The following RAG1 variants were observed in gnomAD, a reference collection of about 807,000 sequenced individuals.
RAG1 encodes the protein V(D)J recombination-activating protein 1.
In RAG1, 35 loss-of-function variants were observed where a neutral mutation model predicts 62.7. That is an observed-to-expected ratio of 0.56 (90% CI 0.43 to 0.74). RAG1 has a LOEUF of 0.74. Ranked by LOEUF, RAG1 falls within the 30% of genes least tolerant of loss-of-function variation. The pLI, the probability that RAG1 is intolerant of heterozygous loss-of-function variation, is 0.00. For missense variants in RAG1, 1,169 were observed against 1,278.6 expected, an observed-to-expected ratio of 0.91 and a Z score of 1.31; for synonymous variants, 461 against 470.3, an observed-to-expected ratio of 0.98 and a Z score of 0.26.
At chr11:36,529,881 G>C (rs1369080464) in intron 2 of RAG1, among the ~76,000 whole-genome samples, 1 of 151,786 alleles carries the variant, frequency 6.6e-6, no homozygotes, top group East Asian at 1.9e-4. Context: ...TTCCGGAAAA[G>C]ATTGTGTACA....
At chr11:36,516,950 G>C (rs1860004653) in intron 1 of RAG1, among the ~76,000 whole-genome samples, 1 of 152,162 alleles carries the variant, frequency 6.6e-6, no homozygotes, top group South Asian at 2.1e-4. Flanking sequence ...GAAACAATTG[G>C]AGGTTTATCG....
chr11:36,538,913 AG>A (rs1203701392), downstream of RAG1, among the ~76,000 whole-genome samples: 1 of 152,200 alleles, frequency 6.6e-6, no homozygotes, highest in Non-Finnish European at 1.5e-5. Flanking sequence ...GCTCAGGAAG[AG>A]GCCTCAATTC....
At chr11:36,527,634 G>C (rs1485156384) in intron 2 of RAG1, among the ~76,000 whole-genome samples, 1 of 152,148 alleles carries the variant, frequency 6.6e-6, no homozygotes, top group Non-Finnish European at 1.5e-5. Flanking sequence ...GTCAGTGGTA[G>C]GTTGTTGGGG....
upstream of RAG1, chr11:36,567,240 T>C (rs1850673111): frequency 1.3e-5 from 2 of 152,210 alleles, no homozygotes; most frequent in South Asian, 4.1e-4. Context: ...GTTGCTTCTT[T>C]TTAGACATAA....
chr11:36,562,146 T>G (rs1053954140), intron 3 of RAG1, among the ~76,000 whole-genome samples: 2 of 152,184 alleles, frequency 1.3e-5, no homozygotes, highest in African/African-American at 4.8e-5. Flanking sequence ...GTGATTTGAC[T>G]TATAGTTTTA....
At chr11:36,533,601 AT>A (rs1860286063) in intron 2 of RAG1, among the ~76,000 whole-genome samples, 1 of 152,156 alleles carries the variant, frequency 6.6e-6, no homozygotes. Context: ...TTCATGGATT[AT>A]TTTTTAGTTC....
intron 3 of RAG1, among the ~76,000 whole-genome samples, chr11:36,557,456 G>A (rs922824555): frequency 6.9e-6 from 1 of 145,966 alleles, no homozygotes; most frequent in Admixed American, 6.7e-5. Context: ...GCAATGCCTC[G>A]CCCTGCTTCG....
Position 36,575,826 on chromosome 11 carries a change from G to T in RAG1, c.2522G>T (p.Arg841Leu). ...RWQATLDKHL[R>L]KKMNLKPIMR... is the part of the protein sequence containing the mutation. ...CAGGCCACACTGGACAAGCATCTCC[G>T]GAAGAAGATGAACCTCAAACCAATC... The change falls in exon 2 of 2, where the codon CGG becomes CTG. Residue 841 changes from arginine to leucine, a missense_variant. Arg to Leu is a moderately radical substitution (Grantham distance 102). Transcript: ENST00000299440. The surrounding 1 kb of genome is among the most constrained non-coding windows in gnomAD (Gnocchi z 4.1). 6.2e-7 allele frequency: 1 copy of T among 1,614,214 alleles called. No homozygotes were observed. Among genetic ancestry groups the T allele is most frequent in the East Asian group, 2.2e-5 (1 of 44,880 alleles).
intron 3 of RAG1, among the ~76,000 whole-genome samples, chr11:36,551,504 C>A (rs1045835367): frequency 1.3e-5 from 2 of 151,836 alleles, no homozygotes; most frequent in Non-Finnish European, 2.9e-5. Flanking sequence ...ACATTGTCTT[C>A]CCTCTGTGTG....
At chr11:36,565,081 T>C (rs1330589755), upstream of RAG1, among the ~76,000 whole-genome samples, 1 of 152,236 alleles carries the variant, frequency 6.6e-6, no homozygotes, top group East Asian at 1.9e-4. Flanking sequence ...AGTTCCCTTC[T>C]AGTTCTGGCT....
chr11:36,570,609 AGTG>A (rs1850725908), intron 1 of RAG1, among the ~76,000 whole-genome samples: 1 of 152,166 alleles, frequency 6.6e-6, no homozygotes, highest in Non-Finnish European at 1.5e-5. Context: ...TATTCTTCAT[AGTG>A]GCTGTACTAA....
Position 36,573,922 on chromosome 11 carries a change from C to A in RAG1, c.618C>A (p.Pro206=), listed in dbSNP as rs200182366. 2 of 1,614,102 alleles carry A rather than the reference C, an allele frequency of 1.2e-6. No individual in the cohort carries two copies. The highest frequency in any genetic ancestry group is 2.7e-5 in the African/African-American group (2 of 75,012). ...GGAACGTGACCATGGAGTGGCACCC[C>A]CACACACCATCCTGTGACATCTGCA... is the stretch of plus-strand genomic sequence containing the variant. The part of the protein sequence containing the change: ...FPRNVTMEWH[P]HTPSCDICNT... Residue 206 remains proline, a synonymous_variant, in exon 2 of 2, where the codon CCC becomes CCA. Coordinates refer to ENST00000299440, the MANE Select transcript of RAG1 (RefSeq NM_000448.3).
At chr11:36,535,634 C>T (rs1169119100) in intron 2 of RAG1, among the ~76,000 whole-genome samples, 1 of 152,054 alleles carries the variant, frequency 6.6e-6, no homozygotes, top group Non-Finnish European at 1.5e-5. Flanking sequence ...ATCCCAGCTA[C>T]TCAGGAGGCT....
chr11:36,573,557 C>G lies in RAG1; in HGVS notation c.253C>G (p.Pro85Ala), dbSNP rs754321019. 3 of 1,614,084 alleles carry G rather than the reference C, an allele frequency of 1.9e-6. No homozygotes were observed. The highest frequency in any genetic ancestry group is 2.5e-6 in the Non-Finnish European group (3 of 1,180,014). Reference protein sequence around the residue: ...VPTQPLLKAHPKFSKKFHDNE... With the variant: ...VPTQPLLKAHAKFSKKFHDNE... ...AACTCAGCCATTGTTAAAAGCCCAC[C>G]CTAAGTTTTCAAAGAAATTTCACGA... Residue 85 changes from proline to alanine, a missense_variant, in exon 2 of 2, where the codon CCT (proline) becomes GCT (alanine). By Grantham distance (27) the Pro-to-Ala change is conservative. Coordinates refer to ENST00000299440, the MANE Select transcript of RAG1 (RefSeq NM_000448.3).
upstream of RAG1, among the ~76,000 whole-genome samples, chr11:36,564,432 G>A (rs1850632937): frequency 6.6e-6 from 1 of 152,130 alleles, no homozygotes; most frequent in Non-Finnish European, 1.5e-5. Context: ...AGGGGAAGAG[G>A]GAAGAGAAGA....
chr11:36,575,293 A>G lies in RAG1; in HGVS notation c.1989A>G (p.Ala663=), dbSNP rs753984753. The G allele has an allele frequency of 1.9e-6, 3 of 1,614,250 alleles. No individual in the cohort carries two copies. Among genetic ancestry groups the G allele is most frequent in the Non-Finnish European group, 2.5e-6 (3 of 1,180,046 alleles). ...GCAAGCCATTGTGCCTTATGCTGGC[A>G]GATGAGTCTGACCACGAGACGCTGA... ...LCCKPLCLML[A]DESDHETLTA... Residue 663 remains alanine (A), a synonymous_variant, in exon 2 of 2, where the codon GCA becomes GCG. Coordinates refer to ENST00000299440, the MANE Select transcript of RAG1 (RefSeq NM_000448.3). This position sits in a 1 kb window ranked among gnomAD's most constrained non-coding sequence, Gnocchi z 4.1.
Position 36,577,171 on chromosome 11 carries a change from G to A in RAG1, c.*735G>A, listed in dbSNP as rs1850864988. ...TAATGAATTTAGAATACACCTGTTA[G>A]CTACAGTTAGTTATTAAATCTTCTG... On this transcript the variant is annotated 3_prime_UTR_variant, in exon 2 of 2. Transcript: ENST00000299440. 1 of 166,786 alleles carries A rather than the reference G, an allele frequency of 6.0e-6. No homozygotes were observed. Among genetic ancestry groups the A allele is most frequent in the African/African-American group, 2.4e-5 (1 of 41,428 alleles). 10.3% of individuals were successfully genotyped at this position (166,786 alleles called of 1,614,324 possible). A position where few individuals can be genotyped will look rare whatever the true frequency, so the allele number is the denominator to read the frequency against.
Position 36,576,459 on chromosome 11 carries a change from G to A in RAG1, c.*23G>A, listed in dbSNP as rs189589191. 16 of 1,613,506 alleles carry A rather than the reference G, an allele frequency of 9.9e-6. No individual in the cohort carries two copies. The highest frequency in any genetic ancestry group is 8.5e-7 in the Non-Finnish European group (1 of 1,179,838). ...TAAGTAGGGCAACCACTTATGAGTT[G>A]GTTTTTGCAATTGAGTTTCCCTCTG... On this transcript the variant is annotated 3_prime_UTR_variant, in exon 2 of 2. Transcript: ENST00000299440.
At chr11:36,525,988 C>A (rs183414580) in intron 2 of RAG1, among the ~76,000 whole-genome samples, 1 of 152,082 alleles carries the variant, frequency 6.6e-6, no homozygotes, top group Non-Finnish European at 1.5e-5. Flanking sequence ...TTAGAATGGT[C>A]GATTACATTA....
Sources: allele counts gnomAD v4.1 joint callset (sites outside exome capture counted in the v4.1 genomes callset), GRCh38; gene constraint gnomAD v4.1.1; non-coding constraint Gnocchi (gnomAD v3.1); transcripts MANE v1.5; gene names NCBI Gene and HGNC (gene_info 2026-07-23, HGNC 2026-07-21).